Variants in PRDM16 observed in about 807,000 individuals in gnomAD.
PRDM16 encodes the protein histone-lysine N-methyltransferase PRDM16.
A neutral mutation model predicts 110.6 loss-of-function variants in PRDM16; 23 were observed. The ratio of observed to expected loss-of-function variants is 0.21; its 90% CI spans 0.15 to 0.29. PRDM16 has a LOEUF of 0.29. PRDM16 is among the 10% of genes least tolerant of loss of function. The probability of loss-of-function intolerance (pLI) is 1.00; values close to 1 mark genes in which losing one functional copy is unlikely to be tolerated. For missense variants in PRDM16, 1,615 were observed against 1,794.3 expected (o/e 0.90, Z 1.81); for synonymous variants, 799 against 781.8 (o/e 1.02, Z -0.37).
chr1:3,325,674 TCTGAGGCTCTGAGGGAGACTCTGTCCCCA>T lies in PRDM16; in HGVS notation c.439-59477_439-59449del, dbSNP rs1195765420. Among the ~76,000 whole-genome samples, 35 of 152,348 alleles carry T rather than the reference TCTGAGGCTCTGAGGGAGACTCTGTCCCCA, an allele frequency of 2.3e-4. 1 individual carries two copies. Among genetic ancestry groups the T allele is most frequent in the Admixed American group, 2.0e-3 (31 of 15,306 alleles). On this transcript the variant is annotated intron_variant, in intron 3 of 16. Coordinates refer to ENST00000270722, the MANE Select transcript of PRDM16 (RefSeq NM_022114.4). Reference sequence around the variant, plus strand: ...CCAGGGGAGGTCAGGGTTGGCTCCTTCTGAGGCTCTGAGGGAGACTCTGTCCCCAGCCTCTCCAGGTCTGGTGTTGCTGG... The same window carrying T: ...CCAGGGGAGGTCAGGGTTGGCTCCTTGCCTCTCCAGGTCTGGTGTTGCTGG...
chr1:3,408,908 G>T lies in PRDM16; in HGVS notation c.1187-2476G>T, dbSNP rs1643614853. On this transcript the variant is annotated intron_variant, in intron 8 of 16. Transcript: ENST00000270722. Reference sequence around the variant, plus strand: ...TGTGTGTGAGAGCGCATGAGGGTGGGCGTGTGAGCCAGTGCTTGTGTTGGC... The same window carrying T: ...TGTGTGTGAGAGCGCATGAGGGTGGTCGTGTGAGCCAGTGCTTGTGTTGGC... 3.3e-5 allele frequency among the ~76,000 whole-genome samples: 5 copies of T among 149,896 alleles called. No individual in the cohort carries two copies. In the South Asian group the frequency reaches 1.1e-3, roughly 32 times the overall value.
Position 3,243,256 on chromosome 1 carries a change from C to CTTT in PRDM16, c.388-829_388-827dup, listed in dbSNP as rs1365816959. Among the ~76,000 whole-genome samples, 1 of 152,224 alleles carries CTTT rather than the reference C, an allele frequency of 6.6e-6. No homozygotes were observed. The highest frequency in any genetic ancestry group is 1.9e-4 in the East Asian group (1 of 5,192). On this transcript the variant is annotated intron_variant, in intron 2 of 16. Coordinates refer to ENST00000270722, the MANE Select transcript of PRDM16 (RefSeq NM_022114.4). The surrounding 1 kb of genome is among the most constrained non-coding windows in gnomAD (Gnocchi z 5.5). The stretch of plus-strand genomic sequence containing the variant: ...ACCTGCATGGCACTAGGCACAGCGG[C>CTTT]TTTTCTGCCTTAGCTCCATTTCCTT...
At chr1:3,357,556 G>GCCCGGC (rs1642632326) in intron 3 of PRDM16, among the ~76,000 whole-genome samples, 1 of 151,588 alleles carries the variant, frequency 6.6e-6, no homozygotes, top group African/African-American at 2.4e-5. Flanking sequence ...AGGAAGCGCC[G>GCCCGGC]TTCCCCCCAC....
chr1:3,093,408 C>A (rs1343052109), intron 1 of PRDM16, among the ~76,000 whole-genome samples: 1 of 152,198 alleles, frequency 6.6e-6, no homozygotes, highest in Non-Finnish European at 1.5e-5. Flanking sequence ...GGGACTCGGT[C>A]AGAAACCATC....
At chr1:3,405,436 G>T (rs1203118399) in intron 7 of PRDM16, 59 bp from the exon 8 acceptor site, 1 of 1,497,398 alleles carries the variant, frequency 6.7e-7, no homozygotes, top group East Asian at 2.4e-5. Flanking sequence ...CCGCCAGCCA[G>T]AACCAGGCCA....
chr1:3,412,928 G>C, intron 9 of PRDM16, 128 bp downstream of exon 9: 1 of 761,012 alleles, frequency 1.3e-6, no homozygotes, highest in Non-Finnish European at 1.9e-6. Context: ...GCTGACTTCA[G>C]GAAGATGCCC....
chr1:3,186,069 G>C, intron 1 of PRDM16, 56 bp from the exon 2 acceptor site: 1 of 1,465,106 alleles, frequency 6.8e-7, no homozygotes, highest in Non-Finnish European at 9.6e-7. Flanking sequence ...TCCCTGAGCT[G>C]TACACACTGG....
chr1:3,221,038 C>T (rs967719456), intron 2 of PRDM16, among the ~76,000 whole-genome samples: 1 of 152,188 alleles, frequency 6.6e-6, no homozygotes, highest in African/African-American at 2.4e-5. Flanking sequence ...GTTTACAACC[C>T]AGGGTGGTCA....
intron 2 of PRDM16, among the ~76,000 whole-genome samples, chr1:3,224,435 A>G (rs1448068307): frequency 6.6e-6 from 1 of 151,722 alleles, no homozygotes; most frequent in African/African-American, 2.4e-5. Flanking sequence ...ACCAGCTTCC[A>G]ATTGCCACTC....
At chr1:3,266,951 TACAGGTGTGAGCCACC>T (rs1326136069) in intron 3 of PRDM16, among the ~76,000 whole-genome samples, 1 of 152,246 alleles carries the variant, frequency 6.6e-6, no homozygotes, top group Non-Finnish European at 1.5e-5. Context: ...GTGCTGGGAT[TACAGGTGTGAGCCACC>T]GCGCCCGGCC....
rs1467634131 is a variant in PRDM16 at position 3,099,333 on chromosome 1, G to T, written c.37+30037G>T. ...ATTCCTGTAACATACAGACAGTGAC[G>T]ACCACCTGGCAGGGCTGCCAAGGGG... is the stretch of plus-strand genomic sequence containing the variant. On this transcript the variant is annotated intron_variant, in intron 1 of 16. Transcript: ENST00000270722. Among the ~76,000 whole-genome samples the T allele has an allele frequency of 3.3e-5, 5 of 152,350 alleles. No individual in the cohort carries two copies. The South Asian group carries it at 1.0e-3, about 32-fold the overall frequency.
At chr1:3,311,929 A>C (rs911586499) in intron 3 of PRDM16, among the ~76,000 whole-genome samples, 11 of 152,158 alleles carry the variant, frequency 7.2e-5, no homozygotes, top group African/African-American at 2.4e-4. Context: ...TTTGCAGGTC[A>C]GCTCCCGGGG....
intron 3 of PRDM16, among the ~76,000 whole-genome samples, chr1:3,371,974 T>C (rs1259449760): frequency 6.7e-6 from 1 of 150,138 alleles, no homozygotes; most frequent in East Asian, 1.9e-4. Context: ...CACTGGCCTC[T>C]CCAGAGAATA....
intron 3 of PRDM16, among the ~76,000 whole-genome samples, chr1:3,291,314 GGCCCCA>G (rs1335791597): frequency 6.6e-6 from 1 of 152,146 alleles, no homozygotes; most frequent in Non-Finnish European, 1.5e-5. Flanking sequence ...CGCTCACAGT[GGCCCCA>G]CCTGGACCCC....
At chr1:3,298,193 C>T (rs1223220216) in intron 3 of PRDM16, among the ~76,000 whole-genome samples, 1 of 152,210 alleles carries the variant, frequency 6.6e-6, no homozygotes, top group African/African-American at 2.4e-5. Flanking sequence ...AGATTCCCGT[C>T]AGGCATTGAT....
intron 3 of PRDM16, among the ~76,000 whole-genome samples, chr1:3,351,523 C>G (rs1180346007): frequency 5.7e-5 from 1 of 17,528 alleles, no homozygotes; most frequent in Non-Finnish European, 1.4e-4. Context: ...CATTGGAACC[C>G]GTCTCTGTCC....
At chr1:3,078,234 C>T (rs1029288977) in intron 1 of PRDM16, among the ~76,000 whole-genome samples, 2 of 152,154 alleles carry the variant, frequency 1.3e-5, no homozygotes, top group South Asian at 2.1e-4. Context: ...TGTCAGGGGG[C>T]AGAGGACCTC....
intron 3 of PRDM16, among the ~76,000 whole-genome samples, chr1:3,348,563 T>C (rs1642411570): frequency 6.6e-6 from 1 of 152,202 alleles, no homozygotes; most frequent in Non-Finnish European, 1.5e-5. Context: ...ACATGCACGC[T>C]TCTTAAAGAG....
chr1:3,284,834 A>G (rs979809468), intron 3 of PRDM16, among the ~76,000 whole-genome samples: 7 of 152,214 alleles, frequency 4.6e-5, no homozygotes, highest in African/African-American at 1.4e-4. Flanking sequence ...GCCAGGGCAG[A>G]GCAGAGAAGG....
Sources: gnomAD v4.1 joint callset for allele counts (sites outside exome capture counted in the v4.1 genomes callset) on GRCh38, gnomAD v4.1.1 for gene constraint, Gnocchi (gnomAD v3.1) non-coding constraint, MANE v1.5 for transcripts, NCBI Gene and HGNC (gene_info 2026-07-23, HGNC 2026-07-21) for gene names.